The following IL1RAPL2 variants were observed in gnomAD, a reference collection of about 807,000 sequenced individuals.
IL1RAPL2 encodes interleukin 1 receptor accessory protein like 2.
Under a neutral mutation model 44.1 loss-of-function variants are expected in IL1RAPL2, and 3 were observed. The ratio of observed to expected loss-of-function variants is 0.07; its 90% CI spans 0.03 to 0.18. The LOEUF (loss-of-function observed/expected upper bound fraction) is 0.18. Among genes scored for constraint, IL1RAPL2 ranks in the 10% least tolerant of loss-of-function variants. The pLI is 1.00. For synonymous variants in IL1RAPL2, 181 were observed against 178.8 expected, an observed-to-expected ratio of 1.01 and a Z score of -0.10; for missense variants, 391 against 496.4, an observed-to-expected ratio of 0.79 and a Z score of 2.02.
intron 6 of IL1RAPL2, among the ~76,000 whole-genome samples, chrX:105,613,839 C>T (rs1382837761): frequency 9.0e-6 from 1 of 111,253 alleles, no homozygotes; most frequent in Non-Finnish European, 1.9e-5. Flanking sequence ...AACAGACAGA[C>T]TTCTGAGGTT....
intron 6 of IL1RAPL2, among the ~76,000 whole-genome samples, chrX:105,657,280 C>T (rs946435082): frequency 1.8e-4 from 20 of 112,171 alleles, no homozygotes; most frequent in African/African-American, 5.5e-4. Context: ...ATTCTAAATT[C>T]TCCTTGAACC....
chrX:105,740,316 C>A (rs2038488741), intron 7 of IL1RAPL2, among the ~76,000 whole-genome samples: 1 of 111,639 alleles, frequency 9.0e-6, no homozygotes, highest in South Asian at 3.7e-4. Context: ...AATAATATTT[C>A]TTTTTGCCAA....
chrX:105,268,165 A>C (rs1200548726), intron 5 of IL1RAPL2, among the ~76,000 whole-genome samples: 1 of 111,905 alleles, frequency 8.9e-6, no homozygotes, highest in Admixed American at 9.5e-5. Flanking sequence ...AGAATCTAAT[A>C]CCAAAAAGAT....
chrX:104,927,223 A>G (rs1177693748), intron 2 of IL1RAPL2, among the ~76,000 whole-genome samples: 5 of 111,462 alleles, frequency 4.5e-5, no homozygotes, highest in Non-Finnish European at 9.4e-5. Context: ...CTCTCTTACA[A>G]TTTAAATCTA....
intron 6 of IL1RAPL2, among the ~76,000 whole-genome samples, chrX:105,666,888 G>A (rs1165950765): frequency 1.8e-5 from 2 of 111,705 alleles, no homozygotes; most frequent in African/African-American, 6.5e-5. Flanking sequence ...CTCCCTGACT[G>A]CACGTCCATT....
At chrX:105,419,560 A>G (rs1473793693) in intron 5 of IL1RAPL2, among the ~76,000 whole-genome samples, 8 of 112,225 alleles carry the variant, frequency 7.1e-5, no homozygotes, top group Admixed American at 4.7e-4. Flanking sequence ...ATGCTACTAT[A>G]TTTTGAGCAA....
At chrX:105,457,476 G>A (rs2036064491) in intron 5 of IL1RAPL2, among the ~76,000 whole-genome samples, 1 of 109,472 alleles carries the variant, frequency 9.1e-6, no homozygotes, top group South Asian at 3.9e-4. Context: ...CCTATTCTGG[G>A]TACCTCATAT....
intron 4 of IL1RAPL2, among the ~76,000 whole-genome samples, chrX:105,236,756 G>A (rs1166540387): frequency 1.8e-5 from 2 of 112,010 alleles, no homozygotes; most frequent in African/African-American, 6.5e-5. Flanking sequence ...AACATATTAG[G>A]AAAATATTTC....
chrX:104,833,986 A>G (rs1258886849), intron 2 of IL1RAPL2, among the ~76,000 whole-genome samples: 1 of 111,506 alleles, frequency 9.0e-6, no homozygotes, highest in African/African-American at 3.3e-5. Context: ...TTCATAATCT[A>G]CAACTCTTTT....
intron 6 of IL1RAPL2, among the ~76,000 whole-genome samples, chrX:105,697,752 C>T (rs1385505985): frequency 2.7e-5 from 3 of 111,712 alleles, no homozygotes; most frequent in Non-Finnish European, 5.6e-5. Flanking sequence ...TTCATATATA[C>T]ACCACTGGCA....
intron 2 of IL1RAPL2, among the ~76,000 whole-genome samples, chrX:105,044,457 T>G (rs1300832459): frequency 1.0e-4 from 11 of 108,457 alleles, no homozygotes; most frequent in Non-Finnish European, 1.9e-4. Flanking sequence ...CAGGGGGTGG[T>G]AACAAAAATT....
intron 2 of IL1RAPL2, among the ~76,000 whole-genome samples, chrX:105,100,140 G>C (rs1330783483): frequency 1.8e-5 from 2 of 111,637 alleles, no homozygotes; most frequent in African/African-American, 6.5e-5. Context: ...ATCTCTTACT[G>C]TGCCCAATTT....
chrX:104,942,257 G>A (rs977588855), intron 2 of IL1RAPL2, among the ~76,000 whole-genome samples: 3 of 112,054 alleles, frequency 2.7e-5, no homozygotes, highest in African/African-American at 9.7e-5. Context: ...GTAGCTTGAT[G>A]GGGATGGCAT....
chrX:104,618,540 G>T (rs748558059), intron 1 of IL1RAPL2, among the ~76,000 whole-genome samples: 1 of 111,619 alleles, frequency 9.0e-6, no homozygotes, highest in Non-Finnish European at 1.9e-5. Flanking sequence ...AGGAATGGGT[G>T]CTCCAGATAC....
At chrX:104,778,681 A>C (rs1932754824) in intron 2 of IL1RAPL2, among the ~76,000 whole-genome samples, 1 of 107,953 alleles carries the variant, frequency 9.3e-6, no homozygotes, top group African/African-American at 3.3e-5. Context: ...TTATTTATAT[A>C]TATAAAATTT....
chrX:104,689,699 A>G (rs906703351), intron 2 of IL1RAPL2, among the ~76,000 whole-genome samples: 2 of 111,385 alleles, frequency 1.8e-5, no homozygotes, highest in Non-Finnish European at 3.8e-5. Flanking sequence ...ATGGATTAGT[A>G]TCACTAACAA....
At chrX:105,666,583 C>T (rs2037771815) in intron 6 of IL1RAPL2, among the ~76,000 whole-genome samples, 1 of 111,846 alleles carries the variant, frequency 8.9e-6, no homozygotes, top group African/African-American at 3.3e-5. Flanking sequence ...CTATTATTAG[C>T]AAGATATTAA....
chrX:105,338,181 T>G (rs1030957863), intron 5 of IL1RAPL2, among the ~76,000 whole-genome samples: 22 of 111,708 alleles, frequency 2.0e-4, no homozygotes, highest in African/African-American at 7.2e-4. Context: ...AGAAGCCCTG[T>G]TTTGATGTTT....
chrX:105,272,848 T>A (rs1050094192), intron 5 of IL1RAPL2, among the ~76,000 whole-genome samples: 1 of 112,327 alleles, frequency 8.9e-6, no homozygotes, highest in Non-Finnish European at 1.9e-5. Flanking sequence ...AGAAAAACTT[T>A]CCTCTGGTGT....
Sources: allele counts gnomAD v4.1 joint callset (sites outside exome capture counted in the v4.1 genomes callset), GRCh38; gene constraint gnomAD v4.1.1; transcripts MANE v1.5; gene names NCBI Gene and HGNC (gene_info 2026-07-23, HGNC 2026-07-21).